The following SGCD variants were observed in gnomAD, a reference collection of about 807,000 sequenced individuals.
The protein encoded by SGCD is sarcoglycan delta, also known as delta-sarcoglycan.
A neutral mutation model predicts 36.6 loss-of-function variants in SGCD; 18 were observed. The ratio of observed to expected loss-of-function variants is 0.49; its 90% CI spans 0.34 to 0.73. The LOEUF (loss-of-function observed/expected upper bound fraction) is 0.73, where lower values mean the gene tolerates loss of function less well. Ranked by LOEUF, SGCD falls within the 30% of genes least tolerant of loss-of-function variation. SGCD has a pLI of 0.01. For missense variants in SGCD, 387 were observed against 346.7 expected, an observed-to-expected ratio of 1.12 and a Z score of -0.92; for synonymous variants, 133 against 130.6, an observed-to-expected ratio of 1.02 and a Z score of -0.12.
chr5:156,741,902 G>GTCTT (rs1756695669), intron 7 of SGCD, among the ~76,000 whole-genome samples: 1 of 150,916 alleles, frequency 6.6e-6, no homozygotes, highest in South Asian at 2.1e-4. Flanking sequence ...TTGAGACAGA[G>GTCTT]TCTTGCTTTG....
chr5:156,494,351 T>G (rs903718918), intron 3 of SGCD, among the ~76,000 whole-genome samples: 3 of 140,822 alleles, frequency 2.1e-5, no homozygotes, highest in Non-Finnish European at 3.1e-5. Context: ...TTTTTTTTTT[T>G]GAGGACTCTA....
intron 3 of SGCD, among the ~76,000 whole-genome samples, chr5:156,255,435 A>G (rs1486843442): frequency 1.3e-5 from 2 of 152,122 alleles, no homozygotes; most frequent in Admixed American, 6.6e-5. Context: ...GCCCTGACCT[A>G]TACCTCCTTT....
At chr5:155,971,447 C>G (rs573845477) in intron 1 of SGCD, among the ~76,000 whole-genome samples, 1 of 152,178 alleles carries the variant, frequency 6.6e-6, no homozygotes, top group South Asian at 2.1e-4. Context: ...AGTTTTTATT[C>G]CCATATAGCT....
chr5:156,052,091 A>G (rs917860543), intron 1 of SGCD, among the ~76,000 whole-genome samples: 2 of 146,402 alleles, frequency 1.4e-5, no homozygotes, highest in African/African-American at 2.5e-5. Flanking sequence ...GGGATCCTCC[A>G]TAAGTCCAGA....
At chr5:155,899,189 A>T (rs1756332195) in intron 1 of SGCD, among the ~76,000 whole-genome samples, 1 of 152,208 alleles carries the variant, frequency 6.6e-6, no homozygotes, top group African/African-American at 2.4e-5. Flanking sequence ...ATAACTTCAG[A>T]GTGAAAGCTG....
At chr5:156,723,850 AGT>A (rs60939391) in intron 7 of SGCD, among the ~76,000 whole-genome samples, 105,242 of 149,984 alleles carry the variant, frequency 0.7, 37,298 homozygotes, top group Middle Eastern at 0.81. Context: ...TTTTAAGCCA[AGT>A]GTGTGTGTGT....
At chr5:156,378,574 C>A (rs921092498) in intron 3 of SGCD, among the ~76,000 whole-genome samples, 3 of 152,116 alleles carry the variant, frequency 2.0e-5, no homozygotes, top group African/African-American at 7.2e-5. Context: ...CAGACCCCTG[C>A]AATCTCATGA....
the SGCD span, among the ~76,000 whole-genome samples, chr5:155,855,550 C>T: frequency 6.6e-6 from 1 of 152,114 alleles, no homozygotes; most frequent in Non-Finnish European, 1.5e-5. Flanking sequence ...GAAGAACTTG[C>T]TTGATATATC....
At chr5:156,676,264 G>A (rs1753504141) in intron 7 of SGCD, among the ~76,000 whole-genome samples, 1 of 152,218 alleles carries the variant, frequency 6.6e-6, no homozygotes, top group African/African-American at 2.4e-5. Context: ...ATAACCCCAG[G>A]TTGTTGCCAC....
At chr5:156,560,913 A>G (rs1168826637) in intron 4 of SGCD, among the ~76,000 whole-genome samples, 1 of 152,196 alleles carries the variant, frequency 6.6e-6, no homozygotes, top group Non-Finnish European at 1.5e-5. Flanking sequence ...TATTGACGAC[A>G]TTATTAGGTT....
At chr5:156,263,847 A>T (rs186189791) in intron 3 of SGCD, among the ~76,000 whole-genome samples, 1 of 151,988 alleles carries the variant, frequency 6.6e-6, no homozygotes, top group Non-Finnish European at 1.5e-5. Context: ...GTTGAGTAGG[A>T]TGTCCTTTTT....
At chr5:156,242,059 G>A (rs112142702) in intron 3 of SGCD, among the ~76,000 whole-genome samples, 10 of 152,246 alleles carry the variant, frequency 6.6e-5, no homozygotes, top group African/African-American at 1.4e-4. Context: ...TCCTACTTAC[G>A]AATGTTTATA....
At chr5:155,841,536 A>T in the SGCD span, among the ~76,000 whole-genome samples, 1 of 152,128 alleles carries the variant, frequency 6.6e-6, no homozygotes, top group South Asian at 2.1e-4. Context: ...TTTTTTGTGA[A>T]TACTCTGTTT....
upstream of SGCD, among the ~76,000 whole-genome samples, chr5:155,865,387 A>G (rs1430407326): frequency 6.6e-6 from 1 of 152,090 alleles, no homozygotes; most frequent in Non-Finnish European, 1.5e-5. Flanking sequence ...TTATTGTGAT[A>G]TGTTGTTTTG....
At chr5:156,091,295 G>C (rs11738430) in intron 1 of SGCD, among the ~76,000 whole-genome samples, 3 of 152,102 alleles carry the variant, frequency 2.0e-5, no homozygotes, top group African/African-American at 7.2e-5. Context: ...TTCTTCTGCC[G>C]TGGCTTCAGC....
the SGCD span, among the ~76,000 whole-genome samples, chr5:155,819,028 A>G: frequency 6.6e-6 from 1 of 152,202 alleles, no homozygotes; most frequent in East Asian, 1.9e-4. Flanking sequence ...CAGAAAGAGA[A>G]CTAGACTGAG....
At chr5:156,111,368 C>A (rs1761781959) in intron 1 of SGCD, among the ~76,000 whole-genome samples, 1 of 152,104 alleles carries the variant, frequency 6.6e-6, no homozygotes, top group Admixed American at 6.6e-5. Flanking sequence ...ACCTCCTAAG[C>A]AATGTTGAGA....
At chr5:156,341,733 G>A (rs971410689) in intron 2 of SGCD, among the ~76,000 whole-genome samples, 20 of 152,154 alleles carry the variant, frequency 1.3e-4, no homozygotes, top group African/African-American at 4.3e-4. Flanking sequence ...TTTTTGAGAC[G>A]AAGTCTTCAC....
intron 1 of SGCD, among the ~76,000 whole-genome samples, chr5:156,103,132 T>A (rs1761560480): frequency 6.6e-6 from 1 of 152,200 alleles, no homozygotes; most frequent in Admixed American, 6.5e-5. Context: ...AAATTTTAGC[T>A]ACTGCTAGTT....
Sources: gnomAD v4.1 joint callset for allele counts (sites outside exome capture counted in the v4.1 genomes callset) on GRCh38, gnomAD v4.1.1 for gene constraint, MANE v1.5 for transcripts, NCBI Gene and HGNC (gene_info 2026-07-23, HGNC 2026-07-21) for gene names.